The following CRLF2 variants were observed in gnomAD, a reference collection of about 807,000 sequenced individuals.
The protein encoded by CRLF2 is cytokine receptor-like factor 2.
In CRLF2, 41 loss-of-function variants were observed where a neutral mutation model predicts 38.7. That is an observed-to-expected ratio of 1.06 (90% CI 0.83 to 1.37). The LOEUF is 1.37. CRLF2 is among the 40% of genes most tolerant of loss of function. The probability of loss-of-function intolerance (pLI) is 0.00; values close to 1 mark genes in which losing one functional copy is unlikely to be tolerated. For synonymous variants in CRLF2, 140 were observed against 128.8 expected (o/e 1.09, Z -0.59); for missense variants, 377 against 322.2 (o/e 1.17, Z -1.30).
chrX:1,210,832 G>T (rs2086784226), intron 1 of CRLF2, among the ~76,000 whole-genome samples: 1 of 152,190 alleles, frequency 6.6e-6, no homozygotes, highest in Admixed American at 6.6e-5. Flanking sequence ...ATGAATCAAT[G>T]GACAGGTGGG....
rs1289179650 is a variant in CRLF2 at position 1,194,980 on chromosome X, C to T, written c.768-1678G>A. Among the ~76,000 whole-genome samples, 12 of 151,924 alleles carry T rather than the reference C, an allele frequency of 7.9e-5. No individual in the cohort carries two copies. In the East Asian group the frequency reaches 1.4e-3, roughly 17 times the overall value. On this transcript the variant is annotated intron_variant, in intron 6 of 7. Coordinates refer to ENST00000400841, the MANE Select transcript of CRLF2 (RefSeq NM_022148.4). ...CTGGGAGGCGGAGGTGGCAGTGAGCCGAGATCATGCCACTGTACTCCAGCC... is the reference window on the plus strand; with the variant it reads ...CTGGGAGGCGGAGGTGGCAGTGAGCTGAGATCATGCCACTGTACTCCAGCC...
intron 4 of CRLF2, chrX:1,199,127 T>G: frequency 3.2e-6 from 1 of 312,462 alleles, no homozygotes; most frequent in Middle Eastern, 1.1e-3. Context: ...CCAGCCTGGG[T>G]GACAGAGCGG....
At chrX:1,211,356 GGTGGA>G (rs2086796562) in intron 1 of CRLF2, among the ~76,000 whole-genome samples, 3 of 131,942 alleles carry the variant, frequency 2.3e-5, no homozygotes, top group Non-Finnish European at 4.9e-5. Context: ...TGGGTGGATG[GGTGGA>G]TGGATGGATG....
At position 1,196,311 on chromosome X, in the gene CRLF2, C is replaced by T. The variant is rs1476337634; in HGVS notation, c.767+469G>A. 3.3e-5 allele frequency among the ~76,000 whole-genome samples: 5 copies of T among 151,024 alleles called. No individual in the cohort carries two copies. The East Asian group carries it at 9.7e-4, about 29-fold the overall frequency. On this transcript the variant is annotated intron_variant, in intron 6 of 7. Transcript: ENST00000400841. ...CAAGCAATTCTCCTGCCTCAGCCTC[C>T]CGAGTAGCTGGGATTACAGGTGCAC...
At chrX:1,209,750 G>A (rs1353881704) in intron 1 of CRLF2, among the ~76,000 whole-genome samples, 8 of 152,154 alleles carry the variant, frequency 5.3e-5, no homozygotes, top group African/African-American at 1.2e-4. Flanking sequence ...AGGTGGCATC[G>A]GAAACTGTCC....
At chrX:1,198,193 CAGGACACCCTCCCTCCCACCTCG>C (rs2086528483) in intron 5 of CRLF2, among the ~76,000 whole-genome samples, 1 of 118,886 alleles carries the variant, frequency 8.4e-6, no homozygotes, top group African/African-American at 3.4e-5. Flanking sequence ...CCCAGGAAGG[CAGGACACCCTCCCTCCCACCTCG>C]AAGGCAGGAC....
intron 4 of CRLF2, among the ~76,000 whole-genome samples, chrX:1,201,305 T>C (rs1603397124): frequency 6.7e-6 from 1 of 148,638 alleles, no homozygotes; most frequent in Admixed American, 6.8e-5. Flanking sequence ...TGTCTGTGCA[T>C]GTCTGTGTGT....
chrX:1,192,219 AAC>A (rs2086397365), intron 7 of CRLF2, among the ~76,000 whole-genome samples: 2 of 138,366 alleles, frequency 1.4e-5, no homozygotes, highest in Admixed American at 7.7e-5. Flanking sequence ...AAAAAAAAAA[AAC>A]AAAAAAAACC....
intron 7 of CRLF2, among the ~76,000 whole-genome samples, chrX:1,192,664 TTTTTC>T (rs1392175739): frequency 4.6e-5 from 7 of 151,700 alleles, no homozygotes; most frequent in Non-Finnish European, 7.4e-5. Flanking sequence ...TTTCTTTCCT[TTTTTC>T]TTTCTCTTTC....
chrX:1,196,283 G>A (rs777523467), intron 6 of CRLF2, among the ~76,000 whole-genome samples: 81 of 149,318 alleles, frequency 5.4e-4, no homozygotes, highest in African/African-American at 1.8e-3. Context: ...CGACTCCCAG[G>A]TTCAAGCAAT....
chrX:1,198,167 ACC>A (rs1383175593), intron 5 of CRLF2, among the ~76,000 whole-genome samples: 1 of 127,822 alleles, frequency 7.8e-6, no homozygotes, highest in African/African-American at 3.1e-5. Context: ...AAGGCAGGAC[ACC>A]CTCCCTCCCA....
intron 3 of CRLF2, 82 bp downstream of exon 3, chrX:1,206,351 C>T (rs2086690677): frequency 4.8e-6 from 6 of 1,256,136 alleles, no homozygotes; most frequent in Non-Finnish European, 6.9e-6. Context: ...CGGCGATTTG[C>T]ATGAGCTTGG....
At chrX:1,191,329 CTTT>C (rs2086372999) in intron 7 of CRLF2, among the ~76,000 whole-genome samples, 169 bp from the exon 8 acceptor site, 5 of 110,550 alleles carry the variant, frequency 4.5e-5, no homozygotes, top group African/African-American at 1.6e-4. Flanking sequence ...TTCTTTCTTT[CTTT>C]CTTTCTTTCT....
At chrX:1,197,112 A>G (rs192760959) in intron 5 of CRLF2, among the ~76,000 whole-genome samples, 4,800 of 51,404 alleles carry the variant, frequency 0.093, 315 homozygotes, top group African/African-American at 0.27. Flanking sequence ...TTTTTTTTTG[A>G]GACAGAACCT....
rs72369193 is a variant in CRLF2 at position 1,198,732 on chromosome X, A to AACATAC, written c.484-14_484-9dup. On this transcript the variant is annotated splice_polypyrimidine_tract_variant and intron_variant, in intron 4 of 7. Coordinates refer to ENST00000400841, the MANE Select transcript of CRLF2 (RefSeq NM_022148.4). ...GGTATTTTCCTGTTTGGACTGGAGA[A>AACATAC]ACATACACACACACACACACACACA... is the stretch of plus-strand genomic sequence containing the variant. The AACATAC allele has an allele frequency of 0.16, 135,541 of 842,966 alleles. 12,276 individuals are homozygous for AACATAC. Among genetic ancestry groups the AACATAC allele is most frequent in the East Asian group, 0.41 (12,729 of 30,684 alleles). The allele number at this position is 842,966 out of a possible 1,614,324, so 52.2% of individuals were successfully genotyped here.
At chrX:1,207,540 A>G (rs1238635409) in intron 2 of CRLF2, among the ~76,000 whole-genome samples, 1 of 114,724 alleles carries the variant, frequency 8.7e-6, no homozygotes, top group East Asian at 2.9e-4. Context: ...CTGGGATAAC[A>G]GGCATGAGCC....
At chrX:1,209,926 A>G (rs1244898078) in intron 1 of CRLF2, among the ~76,000 whole-genome samples, 1 of 151,024 alleles carries the variant, frequency 6.6e-6, no homozygotes, top group Non-Finnish European at 1.5e-5. Flanking sequence ...ACATGGTGAA[A>G]CCCCGTCTCT....
intron 7 of CRLF2, among the ~76,000 whole-genome samples, chrX:1,192,008 A>C (rs1183353351): frequency 6.9e-6 from 1 of 145,980 alleles, no homozygotes; most frequent in East Asian, 2.2e-4. Context: ...GATCGAGACC[A>C]TCCCGACTAA....
At position 1,200,315 on chromosome X, in the gene CRLF2, A is replaced by C. The variant is rs781592425; in HGVS notation, c.484-1591T>G. On this transcript the variant is annotated intron_variant, in intron 4 of 7. Coordinates refer to ENST00000400841, the MANE Select transcript of CRLF2 (RefSeq NM_022148.4). ...ATACGTGTATATAAGCTGTGCACATATGTGTGTATATATATGTGTGTATAT... is the reference window on the plus strand; with the variant it reads ...ATACGTGTATATAAGCTGTGCACATCTGTGTGTATATATATGTGTGTATAT... Among the ~76,000 whole-genome samples, 43 of 111,916 alleles carry C rather than the reference A, an allele frequency of 3.8e-4. 1 individual carries two copies. The South Asian group carries it at 8.6e-3, about 22-fold the overall frequency. The allele number at this position is 111,916 out of a possible 152,430, so 73.4% of individuals were successfully genotyped here. A position where few individuals can be genotyped will look rare whatever the true frequency, so the allele number is the denominator to read the frequency against.
Sources: gnomAD v4.1 joint callset for allele counts (sites outside exome capture counted in the v4.1 genomes callset) on GRCh38, gnomAD v4.1.1 for gene constraint, MANE v1.5 for transcripts, NCBI Gene and HGNC (gene_info 2026-07-23, HGNC 2026-07-21) for gene names.